The following UNC80 variants were observed in gnomAD, a reference collection of about 807,000 sequenced individuals.
The protein encoded by UNC80 is protein unc-80 homolog.
A neutral mutation model predicts 384.6 loss-of-function variants in UNC80; 164 were observed. The observed-to-expected ratio is 0.43, with a 90% confidence interval of 0.38 to 0.49. The LOEUF (loss-of-function observed/expected upper bound fraction) is 0.49, where lower values mean the gene tolerates loss of function less well. UNC80 is among the 20% of genes least tolerant of loss of function. The probability of loss-of-function intolerance (pLI) is 0.00; values close to 1 mark genes in which losing one functional copy is unlikely to be tolerated. For synonymous variants in UNC80, 1,486 were observed against 1,527.8 expected, an observed-to-expected ratio of 0.97 and a Z score of 0.64; for missense variants, 3,330 against 4,143.0, an observed-to-expected ratio of 0.80 and a Z score of 5.39.
At chr2:209,905,878 G>A (rs1239313215) in intron 29 of UNC80, among the ~76,000 whole-genome samples, 2 of 152,194 alleles carry the variant, frequency 1.3e-5, no homozygotes, top group Non-Finnish European at 2.9e-5. Flanking sequence ...CTTCTGCCAG[G>A]GAAGGCCTAA....
At chr2:209,867,317 C>T in intron 22 of UNC80, among the ~76,000 whole-genome samples, 1 of 152,086 alleles carries the variant, frequency 6.6e-6, no homozygotes, top group East Asian at 1.9e-4. Flanking sequence ...TTGAGAAGTG[C>T]TGGTTTGAAG....
intron 51 of UNC80, among the ~76,000 whole-genome samples, chr2:209,966,344 C>T (rs911591095): frequency 2.0e-5 from 3 of 152,122 alleles, no homozygotes; most frequent in African/African-American, 4.8e-5. Flanking sequence ...TCGAATCATA[C>T]AGAATAGTTG....
At chr2:209,989,787 A>G (rs2093358877) in intron 61 of UNC80, among the ~76,000 whole-genome samples, 1 of 152,210 alleles carries the variant, frequency 6.6e-6, no homozygotes, top group African/African-American at 2.4e-5. Context: ...AACTTTTTAT[A>G]TGCAACTTCA....
chr2:209,842,480 C>T, intron 21 of UNC80, 34 bp downstream of exon 21: 2 of 1,438,488 alleles, frequency 1.4e-6, no homozygotes. Context: ...TTCTATTCAA[C>T]TTTTATCACA....
intron 7 of UNC80, among the ~76,000 whole-genome samples, chr2:209,809,968 C>T (rs1398679779): frequency 6.6e-6 from 1 of 152,192 alleles, no homozygotes; most frequent in Non-Finnish European, 1.5e-5. Context: ...CCACCCCAGT[C>T]AGGGGACCCT....
At chr2:209,815,218 A>G (rs753549388) in intron 8 of UNC80, 39 bp from the exon 9 acceptor site, 4 of 1,536,396 alleles carry the variant, frequency 2.6e-6, no homozygotes, top group South Asian at 2.4e-5. Flanking sequence ...ATTTGGATGT[A>G]AAGTCCTAAG....
At chr2:209,844,490 TCC>T (rs1356239406) in intron 21 of UNC80, among the ~76,000 whole-genome samples, 2 of 98,908 alleles carry the variant, frequency 2.0e-5, no homozygotes, top group African/African-American at 4.7e-5. Context: ...CTTCCTTCCT[TCC>T]TTCCTTCCTT....
At chr2:209,798,927 G>A (rs964755712) in intron 7 of UNC80, among the ~76,000 whole-genome samples, 1 of 146,582 alleles carries the variant, frequency 6.8e-6, no homozygotes, top group Admixed American at 6.9e-5. Context: ...CTTGTGATCC[G>A]CCCACCTCGG....
chr2:209,917,919 C>T lies in UNC80; in HGVS notation c.5172C>T (p.Val1724=), dbSNP rs371602386. The change falls in exon 32 of 65, where the codon GTC becomes GTT. Residue 1724 remains valine, a synonymous_variant. Coordinates refer to ENST00000673920, the MANE Select transcript of UNC80 (RefSeq NM_001371986.1). Reference sequence around the variant, plus strand: ...CGCTCTGGAGGTTTCGCTATCAGGTCTGGCCCCGGATGGAGGAAGGGGCAC... The same window carrying T: ...CGCTCTGGAGGTTTCGCTATCAGGTTTGGCCCCGGATGGAGGAAGGGGCAC... ...FHTLWRFRYQ[V]WPRMEEGAQQ... is the part of the protein sequence containing the mutation. The T allele has an allele frequency of 1.9e-5, 29 of 1,551,676 alleles. No individual in the cohort carries two copies. The Middle Eastern group carries it at 1.0e-3, about 54-fold the overall frequency.
intron 26 of UNC80, among the ~76,000 whole-genome samples, chr2:209,888,811 T>A (rs192524764): frequency 2.0e-5 from 3 of 152,236 alleles, no homozygotes; most frequent in Admixed American, 2.0e-4. Flanking sequence ...TTTCTTAATA[T>A]GCTTTTATTA....
chr2:209,978,836 T>C (rs946389679), intron 59 of UNC80, 128 bp downstream of exon 59: 13 of 911,254 alleles, frequency 1.4e-5, no homozygotes, highest in Non-Finnish European at 1.9e-5. Context: ...AAAGGAGTTC[T>C]AGGGGAAATG....
chr2:209,985,706 A>G (rs929288169), intron 61 of UNC80, among the ~76,000 whole-genome samples: 1 of 152,230 alleles, frequency 6.6e-6, no homozygotes, highest in Admixed American at 6.5e-5. Flanking sequence ...AATCCTCATT[A>G]GGGGTAAGGC....
At chr2:209,961,727 A>G (rs1002569071) in intron 51 of UNC80, among the ~76,000 whole-genome samples, 36 of 152,256 alleles carry the variant, frequency 2.4e-4, no homozygotes, top group African/African-American at 8.4e-4. Flanking sequence ...CGGTGAAACA[A>G]TACTTTTTTA....
intron 49 of UNC80, 89 bp from the exon 50 acceptor site, chr2:209,959,030 G>A: frequency 9.4e-7 from 1 of 1,067,598 alleles, no homozygotes; most frequent in Non-Finnish European, 1.4e-6. Flanking sequence ...AGCTTCAAGG[G>A]CTTTTCATAT....
At chr2:209,958,928 A>G (rs560316549) in intron 49 of UNC80, among the ~76,000 whole-genome samples, 191 bp from the exon 50 acceptor site, 3 of 152,340 alleles carry the variant, frequency 2.0e-5, no homozygotes, top group Admixed American at 1.3e-4. Context: ...TGCAGCAGCT[A>G]TAATTGCAAT....
chr2:209,943,599 G>A, intron 45 of UNC80, 85 bp downstream of exon 45: 1 of 1,468,994 alleles, frequency 6.8e-7, no homozygotes, highest in Non-Finnish European at 9.2e-7. Context: ...CTATGGCAAG[G>A]GAGTTGGCTA....
intron 45 of UNC80, among the ~76,000 whole-genome samples, chr2:209,944,151 C>T (rs2091793443): frequency 6.6e-6 from 1 of 152,128 alleles, no homozygotes; most frequent in South Asian, 2.1e-4. Flanking sequence ...TTCAACATTC[C>T]TCTTCAGCTT....
chr2:209,976,913 C>A lies in UNC80; in HGVS notation c.8773C>A (p.Leu2925Met). The change falls in exon 58 of 65, where the codon CTG becomes ATG. Residue 2925 changes from leucine to methionine, a missense_variant and splice_region_variant. Physicochemically the swap from Leu to Met is conservative, Grantham distance 15. Around this residue, in one of 8 missense-constraint regions of UNC80, gnomAD observed 216 missense variants for 245.3 expected, o/e 0.88. Coordinates refer to ENST00000673920, the MANE Select transcript of UNC80 (RefSeq NM_001371986.1). This position sits in a 1 kb window ranked among gnomAD's most constrained non-coding sequence, Gnocchi z 4.3. ...TGAGAATGTTATGCCTTCCTTTCAG[C>A]TGCTGGCCCAACCAGCAGAGAATCA... ...VLLRPFIQCK[L>M]LAQPAENHEE... The A allele has an allele frequency of 6.6e-7, 1 of 1,509,706 alleles. No individual in the cohort carries two copies. The highest frequency in any genetic ancestry group is 1.4e-5 in the African/African-American group (1 of 72,470). 93.5% of individuals were successfully genotyped at this position (1,509,706 alleles called of 1,614,324 possible). A position where few individuals can be genotyped will look rare whatever the true frequency, so the allele number is the denominator to read the frequency against.
intron 51 of UNC80, among the ~76,000 whole-genome samples, chr2:209,963,404 T>C (rs907463354): frequency 6.6e-6 from 1 of 152,192 alleles, no homozygotes. Context: ...AAAGGGAAAT[T>C]TTGTTTTATG....
Sources: gnomAD v4.1 joint callset for allele counts (sites outside exome capture counted in the v4.1 genomes callset) on GRCh38, gnomAD v4.1.1 for gene constraint, gnomAD v4.1.1 regional missense constraint, Gnocchi (gnomAD v3.1) non-coding constraint, MANE v1.5 for transcripts, NCBI Gene and HGNC (gene_info 2026-07-23, HGNC 2026-07-21) for gene names.